Variants in TANGO2 observed in about 807,000 individuals in gnomAD.
The protein encoded by TANGO2 is transport and golgi organization 2 homolog.
TANGO2 carries 26 observed loss-of-function variants against 39.1 expected under a neutral mutation model. The observed-to-expected ratio is 0.67, with a 90% CI of 0.49 to 0.92. The LOEUF (loss-of-function observed/expected upper bound fraction) is 0.92. Among genes scored for constraint, TANGO2 ranks in the 40% least tolerant of loss-of-function variants. The pLI is 0.00. For missense variants in TANGO2, 326 were observed against 360.1 expected, an observed-to-expected ratio of 0.91 and a Z score of 0.77; for synonymous variants, 131 against 144.5, an observed-to-expected ratio of 0.91 and a Z score of 0.67.
intron 1 of TANGO2, among the ~76,000 whole-genome samples, chr22:20,024,432 A>G (rs1205985323): frequency 6.6e-6 from 1 of 152,160 alleles, no homozygotes; most frequent in Non-Finnish European, 1.5e-5. Context: ...AGCCCGCGTC[A>G]CATGTCTGTG....
chr22:20,036,892 G>GT (rs1569261413), intron 2 of TANGO2, 38 bp downstream of exon 2: 1 of 1,614,214 alleles, frequency 6.2e-7, no homozygotes, highest in Non-Finnish European at 8.5e-7. Context: ...GCCCTGCAGG[G>GT]TCCTGGGTGC....
chr22:20,049,101 G>T (rs1028299404), intron 3 of TANGO2, among the ~76,000 whole-genome samples: 27 of 151,952 alleles, frequency 1.8e-4, no homozygotes, highest in African/African-American at 5.8e-4. Flanking sequence ...TTTATGTTTG[G>T]TCTATGATTT....
chr22:20,026,678 G>A (rs1268762260), intron 1 of TANGO2, among the ~76,000 whole-genome samples: 1 of 152,254 alleles, frequency 6.6e-6, no homozygotes, highest in African/African-American at 2.4e-5. Flanking sequence ...GTGAGACAAA[G>A]GCCTAGCAGT....
chr22:20,035,633 C>G (rs1465884245), intron 1 of TANGO2, among the ~76,000 whole-genome samples: 3 of 152,216 alleles, frequency 2.0e-5, no homozygotes, highest in Non-Finnish European at 4.4e-5. Context: ...TCCATGCCAG[C>G]TGCTGTGGGT....
At chr22:20,044,374 A>C (rs1187625927) in intron 3 of TANGO2, among the ~76,000 whole-genome samples, 2 of 152,106 alleles carry the variant, frequency 1.3e-5, no homozygotes, top group Admixed American at 1.3e-4. Flanking sequence ...AAAAATACAA[A>C]AATTAGCCAG....
chr22:20,024,338 G>T (rs953272894), intron 1 of TANGO2, among the ~76,000 whole-genome samples: 1 of 152,236 alleles, frequency 6.6e-6, no homozygotes, highest in African/African-American at 2.4e-5. Context: ...GTTTCCTGAC[G>T]TCAGGACTTT....
intron 5 of TANGO2, chr22:20,054,941 G>A (rs1021152797): frequency 2.0e-5 from 3 of 152,256 alleles, no homozygotes; most frequent in African/African-American, 7.2e-5. Flanking sequence ...TATGAACCAA[G>A]TATCTTAGGA....
chr22:20,043,431 G>A lies in TANGO2; in HGVS notation c.133G>A (p.Glu45Lys), dbSNP rs761011447. The A allele has an allele frequency of 8.1e-6, 13 of 1,612,508 alleles. No homozygotes were observed. The East Asian group carries it at 8.9e-5, about 11-fold the overall frequency. The change falls in exon 3 of 9, where the codon GAG becomes AAG. Residue 45 changes from glutamate to lysine, a missense_variant. By Grantham distance (56) the Glu-to-Lys change is moderately conservative. Coordinates refer to ENST00000327374, the MANE Select transcript of TANGO2 (RefSeq NM_152906.7). ...AGCTGACTTCTGGGGGAACAACAAC[G>A]AGATCCTCAGTGGTGAGTCTTCCTG... is the stretch of plus-strand genomic sequence containing the variant. ...KLADFWGNNNEILSGLDMEEG... is the reference protein window; with the variant it reads ...KLADFWGNNNKILSGLDMEEG...
chr22:20,047,966 C>G (rs1484786818), intron 3 of TANGO2: 1 of 151,560 alleles, frequency 6.6e-6, no homozygotes, highest in African/African-American at 2.4e-5. Flanking sequence ...CTCTTGTTAC[C>G]CAGGCTGGAG....
chr22:20,056,244 C>G (rs2047315751), intron 6 of TANGO2: 1 of 685,228 alleles, frequency 1.5e-6, no homozygotes. Context: ...CAAGGTGCGC[C>G]CCTGTTCTGG....
At chr22:20,064,374 C>T (rs996211547) in intron 8 of TANGO2, among the ~76,000 whole-genome samples, 168 bp from the exon 9 acceptor site, 15 of 152,220 alleles carry the variant, frequency 9.9e-5, no homozygotes, top group South Asian at 2.1e-4. Context: ...CCACTGATGG[C>T]CCCTCATCAT....
intron 1 of TANGO2, among the ~76,000 whole-genome samples, chr22:20,025,200 C>A (rs1488686218): frequency 6.7e-6 from 1 of 149,958 alleles, no homozygotes; most frequent in African/African-American, 2.4e-5. Flanking sequence ...CAATGCGATT[C>A]TCCTGCCTCA....
At chr22:20,043,506 C>G (rs2147247338) in intron 3 of TANGO2, 63 bp downstream of exon 3, 1 of 1,159,692 alleles carries the variant, frequency 8.6e-7, no homozygotes, top group South Asian at 1.3e-5. Context: ...CCTGCGTGGC[C>G]CGAGTGACCC....
chr22:20,060,148 G>A (rs1307474027), intron 6 of TANGO2, among the ~76,000 whole-genome samples: 1 of 151,970 alleles, frequency 6.6e-6, no homozygotes, highest in Non-Finnish European at 1.5e-5. Context: ...AGGAGATCGA[G>A]ACCATCCTGG....
At chr22:20,063,617 C>A in intron 8 of TANGO2, 175 bp downstream of exon 8, 1 of 621,416 alleles carries the variant, frequency 1.6e-6, no homozygotes, top group Non-Finnish European at 2.7e-6. Flanking sequence ...ATACCACAGG[C>A]TCCCGGGGCC....
At chr22:20,025,515 C>T (rs1381532815) in intron 1 of TANGO2, among the ~76,000 whole-genome samples, 1 of 152,106 alleles carries the variant, frequency 6.6e-6, no homozygotes, top group Admixed American at 6.5e-5. Context: ...ACACAGCTAC[C>T]GTCCATATCA....
chr22:20,062,236 G>A (rs2048516333), intron 7 of TANGO2, among the ~76,000 whole-genome samples: 1 of 152,174 alleles, frequency 6.6e-6, no homozygotes, highest in Admixed American at 6.5e-5. Context: ...CAGGGGCCAG[G>A]CACTGGGGTC....
At position 20,057,216 on chromosome 22, in the gene TANGO2, T is replaced by C. The variant is rs2047537241; in HGVS notation, c.451+1203T>C. The stretch of plus-strand genomic sequence containing the variant: ...CCATCCCACCTGCATCTTAGGGGGC[T>C]GGTGGTGCTGACGGGCTCATCATGA... On this transcript the variant is annotated intron_variant, in intron 6 of 8. Transcript: ENST00000327374. This position sits in a 1 kb window ranked among gnomAD's most constrained non-coding sequence, Gnocchi z 4.1. Among the ~76,000 whole-genome samples the C allele has an allele frequency of 6.6e-6, 1 of 152,150 alleles. No homozygotes were observed. Among genetic ancestry groups the C allele is most frequent in the South Asian group, 2.1e-4 (1 of 4,830 alleles).
chr22:20,020,931 C>T (rs946065631), upstream of TANGO2: 1 of 152,094 alleles, frequency 6.6e-6, no homozygotes, highest in African/African-American at 2.4e-5. Context: ...AGCTTTGGCG[C>T]AGCCCCGGGG....
Sources: allele counts gnomAD v4.1 joint callset (sites outside exome capture counted in the v4.1 genomes callset), GRCh38; gene constraint gnomAD v4.1.1; non-coding constraint Gnocchi (gnomAD v3.1); transcripts MANE v1.5; gene names NCBI Gene and HGNC (gene_info 2026-07-23, HGNC 2026-07-21).